Variants in TP73 observed in about 807,000 individuals in gnomAD.
TP73 encodes p53-like transcription factor.
Under a neutral mutation model 62.5 loss-of-function variants are expected in TP73, and 25 were observed. The ratio of observed to expected loss-of-function variants is 0.40; its 90% CI spans 0.29 to 0.56. The LOEUF (loss-of-function observed/expected upper bound fraction) is 0.56, where lower values mean the gene tolerates loss of function less well. TP73 is among the 20% of genes least tolerant of loss of function. The pLI, the probability that TP73 is intolerant of heterozygous loss-of-function variation, is 0.46. For missense variants in TP73, 754 were observed against 913.3 expected (o/e 0.83, Z 2.25); for synonymous variants, 423 against 377.5 (o/e 1.12, Z -1.40).
At chr1:3,700,731 A>C (rs1452516148) in intron 3 of TP73, among the ~76,000 whole-genome samples, 1 of 151,966 alleles carries the variant, frequency 6.6e-6, no homozygotes, top group East Asian at 1.9e-4. Context: ...CAGTGAGCCG[A>C]GATCCCACCA....
intron 3 of TP73, chr1:3,697,970 C>A: frequency 5.6e-6 from 3 of 534,468 alleles, no homozygotes; most frequent in South Asian, 8.1e-5. Flanking sequence ...TGACTGCCTC[C>A]CCCTCCCTGT....
chr1:3,659,572 A>G (rs1644945836), intron 1 of TP73: 1 of 152,200 alleles, frequency 6.6e-6, no homozygotes, highest in South Asian at 2.1e-4. Context: ...CAAAGACGTT[A>G]AACAGGACAA....
chr1:3,732,953 C>G lies in TP73; in HGVS notation c.1785C>G (p.Thr595=). The G allele has an allele frequency of 1.2e-6, 2 of 1,608,414 alleles. No homozygotes were observed. Among genetic ancestry groups the G allele is most frequent in the Non-Finnish European group, 1.7e-6 (2 of 1,179,016 alleles). Residue 595 remains threonine, a synonymous_variant, in exon 14 of 14, where the codon ACC becomes ACG. Coordinates refer to ENST00000378295, the MANE Select transcript of TP73 (RefSeq NM_005427.4). ...AVHFRVRHTI[T]IPNRGGPGGG... ...ACTTCCGCGTGCGCCACACCATCAC[C>G]ATCCCCAACCGCGGCGGCCCAGGCG... is the stretch of plus-strand genomic sequence containing the variant.
rs1642344728 is a variant in TP73, at chr1:3,734,353, C to G, written c.*1274C>G. 6.6e-6 allele frequency: 1 copy of G among 152,264 alleles called. No homozygotes were observed. Among genetic ancestry groups the G allele is most frequent in the Non-Finnish European group, 1.5e-5 (1 of 68,090 alleles). 9.4% of individuals were successfully genotyped at this position (152,264 alleles called of 1,614,324 possible). On this transcript the variant is annotated 3_prime_UTR_variant, in exon 14 of 14. Transcript: ENST00000378295. The surrounding 1 kb of genome is among the most constrained non-coding windows in gnomAD (Gnocchi z 4.4). ...GCAGCCTGAGCCTTGGTGGCCGAAC[C>G]TTGACCGTCCCGGAGCACAGCTTCA...
At chr1:3,667,006 G>C (rs1377455217) in intron 1 of TP73, among the ~76,000 whole-genome samples, 1 of 152,326 alleles carries the variant, frequency 6.6e-6, no homozygotes, top group East Asian at 1.9e-4. Context: ...GGATCCAGGT[G>C]GGTCCAGTGT....
rs138669159 is a variant in TP73, at chr1:3,670,559, G to C, written c.-33-11774G>C. Among the ~76,000 whole-genome samples the C allele has an allele frequency of 9.7e-3, 1,475 of 152,200 alleles. 32 individuals are homozygous for C. The highest frequency in any genetic ancestry group is 0.034 in the African/African-American group (1,397 of 41,506). On this transcript the variant is annotated intron_variant, in intron 1 of 13. Coordinates refer to ENST00000378295, the MANE Select transcript of TP73 (RefSeq NM_005427.4). The surrounding 1 kb of genome is among the most constrained non-coding windows in gnomAD (Gnocchi z 5.9). ...CACACAGCTGTAATCCCAGCTACTGGGGAGGCTGAGTCAGAAGAATCATTT... is the reference window on the plus strand; with the variant it reads ...CACACAGCTGTAATCCCAGCTACTGCGGAGGCTGAGTCAGAAGAATCATTT...
intron 3 of TP73, among the ~76,000 whole-genome samples, chr1:3,702,737 G>T (rs1162932957): frequency 1.3e-5 from 2 of 152,262 alleles, no homozygotes; most frequent in Non-Finnish European, 2.9e-5. Context: ...AGGCCCAGGA[G>T]CCCTGCACAC....
chr1:3,715,845 T>C (rs1478186685), intron 4 of TP73, among the ~76,000 whole-genome samples: 6 of 152,170 alleles, frequency 3.9e-5, no homozygotes, highest in African/African-American at 1.2e-4. Context: ...GCTCAGCACA[T>C]ACCTGCTTCC....
At position 3,666,704 on chromosome 1, in the gene TP73, G is replaced by A. The variant is rs1025672184; in HGVS notation, c.-34+14063G>A. Among the ~76,000 whole-genome samples the A allele has an allele frequency of 6.6e-6, 1 of 152,114 alleles. No individual in the cohort carries two copies. Among genetic ancestry groups the A allele is most frequent in the Non-Finnish European group, 1.5e-5 (1 of 68,016 alleles). On this transcript the variant is annotated intron_variant, in intron 1 of 13. Coordinates refer to ENST00000378295, the MANE Select transcript of TP73 (RefSeq NM_005427.4). The surrounding 1 kb of genome is among the most constrained non-coding windows in gnomAD (Gnocchi z 6.4). Reference sequence around the variant, plus strand: ...GTGTCTCACTGAGCAGGAACAAACCGTCCCAGAAGCCCTTCAGCTCGGAAG... The same window carrying A: ...GTGTCTCACTGAGCAGGAACAAACCATCCCAGAAGCCCTTCAGCTCGGAAG...
rs1214059359 is a variant in TP73 at position 3,672,336 on chromosome 1, CG to C, written c.-33-9996del. ...ACAGCACAGGCACTTCCAACATGGG[CG>C]CTGGCCGCACAAAGGCTAGTGACAC... On this transcript the variant is annotated intron_variant, in intron 1 of 13. Transcript: ENST00000378295. The surrounding 1 kb of genome is among the most constrained non-coding windows in gnomAD (Gnocchi z 5.3). Among the ~76,000 whole-genome samples, 1 of 152,080 alleles carries C rather than the reference CG, an allele frequency of 6.6e-6. No individual in the cohort carries two copies. The highest frequency in any genetic ancestry group is 1.5e-5 in the Non-Finnish European group (1 of 68,006).
At chr1:3,669,665 C>T (rs1023165932) in intron 1 of TP73, among the ~76,000 whole-genome samples, 3 of 152,242 alleles carry the variant, frequency 2.0e-5, no homozygotes, top group Admixed American at 1.3e-4. Context: ...GCAAGCCATG[C>T]CCCGGCCTCC....
At chr1:3,697,923 G>A (rs528260183) in intron 3 of TP73, 16 of 202,110 alleles carry the variant, frequency 7.9e-5, no homozygotes, top group African/African-American at 1.7e-4. Flanking sequence ...TCCAATGTCC[G>A]CTTATCACCG....
At chr1:3,720,195 C>T (rs1160660105) in intron 4 of TP73, among the ~76,000 whole-genome samples, 3 of 152,200 alleles carry the variant, frequency 2.0e-5, no homozygotes, top group South Asian at 2.1e-4. Flanking sequence ...GGATTACAGG[C>T]GTGAGCCACC....
intron 4 of TP73, among the ~76,000 whole-genome samples, chr1:3,708,709 C>T (rs11806612): frequency 0.038 from 5,820 of 152,244 alleles, 279 homozygotes; most frequent in African/African-American, 0.11. Context: ...GTGGAGGGCA[C>T]GCAGGGGCTG....
intron 1 of TP73, among the ~76,000 whole-genome samples, chr1:3,657,807 A>G (rs1557477826): frequency 6.6e-6 from 1 of 152,086 alleles, no homozygotes; most frequent in African/African-American, 2.4e-5. Context: ...CGCCTCCTCC[A>G]CAGCCCCTGC....
chr1:3,729,345 T>C lies in TP73; in HGVS notation c.1093T>C (p.Phe365Leu). Reference sequence around the variant, plus strand: ...TGCTCAGGTGCGAGGCCGGGAGAACTTTGAGATCCTGATGAAGCTGAAAGA... The same window carrying C: ...TGCTCAGGTGCGAGGCCGGGAGAACCTTGAGATCCTGATGAAGCTGAAAGA... ...YYLQVRGREN[F>L]EILMKLKESL... The change falls in exon 10 of 14, where the codon TTT becomes CTT. Residue 365 changes from phenylalanine (F) to leucine (L), a missense_variant. This residue lies in a region of TP73 where 458 missense variants were observed against 528.7 expected (regional missense o/e 0.87). Coordinates refer to ENST00000378295, the MANE Select transcript of TP73 (RefSeq NM_005427.4). The C allele has an allele frequency of 6.2e-7, 1 of 1,613,156 alleles. No homozygotes were observed.
rs569219839 is a variant in TP73 at position 3,725,157 on chromosome 1, C to T, written c.732+1688C>T. Among the ~76,000 whole-genome samples the T allele has an allele frequency of 2.0e-5, 3 of 152,256 alleles. No homozygotes were observed. The South Asian group carries it at 6.2e-4, about 32-fold the overall frequency. On this transcript the variant is annotated intron_variant, in intron 6 of 13. Transcript: ENST00000378295. ...CCAGGTGAGCCCGCAGCATGCAACA[C>T]ACACGTAGGGCCACAAAATCTGTGC...
chr1:3,682,964 G>A, intron 2 of TP73, 96 bp from the exon 3 acceptor site: 1 of 1,482,580 alleles, frequency 6.7e-7, no homozygotes, highest in African/African-American at 1.4e-5. Context: ...GGCCTCACCA[G>A]GAGTCTCAGG....
chr1:3,709,903 A>T (rs940704514), intron 4 of TP73, among the ~76,000 whole-genome samples: 2 of 152,096 alleles, frequency 1.3e-5, no homozygotes, highest in Non-Finnish European at 2.9e-5. Flanking sequence ...GCTGATCCTC[A>T]TGGAAGGACA....
Sources: gnomAD v4.1 joint callset for allele counts (sites outside exome capture counted in the v4.1 genomes callset) on GRCh38, gnomAD v4.1.1 for gene constraint, gnomAD v4.1.1 regional missense constraint, Gnocchi (gnomAD v3.1) non-coding constraint, MANE v1.5 for transcripts, NCBI Gene and HGNC (gene_info 2026-07-23, HGNC 2026-07-21) for gene names.